DPP10: variants seen among roughly 807,000 people sequenced by gnomAD.
DPP10 encodes inactive dipeptidyl peptidase 10.
DPP10 carries 33 observed loss-of-function variants against 120.9 expected under a neutral mutation model. That is an observed-to-expected ratio of 0.27 (90% CI 0.21 to 0.37). DPP10 has a LOEUF of 0.37. Ranked by LOEUF, DPP10 falls within the 10% of genes least tolerant of loss-of-function variation. The pLI is 1.00. For missense variants in DPP10, 816 were observed against 942.8 expected (o/e 0.87, Z 1.76); for synonymous variants, 337 against 326.1 (o/e 1.03, Z -0.36).
intron 1 of DPP10, among the ~76,000 whole-genome samples, chr2:115,218,517 C>T (rs1029791529): frequency 1.3e-5 from 2 of 152,230 alleles, no homozygotes; most frequent in East Asian, 3.9e-4. Context: ...TTTCCAACAT[C>T]GTACTGACAT....
In DPP10 at chr2:115,162,287, T is replaced by C. The variant is rs375312829; in HGVS notation, c.61-146952T>C. 279 of 1,527,098 alleles carry C rather than the reference T, an allele frequency of 1.8e-4. 2 individuals carry two copies. Among genetic ancestry groups the C allele is most frequent in the Non-Finnish European group, 1.6e-5 (18 of 1,136,550 alleles). The allele number at this position is 1,527,098 out of a possible 1,614,324, so 94.6% of individuals were successfully genotyped here. On this transcript the variant is annotated intron_variant, in intron 1 of 25. Coordinates refer to ENST00000410059, the MANE Select transcript of DPP10 (RefSeq NM_020868.6). Reference sequence around the variant, plus strand: ...GGGGCAGAGAGGTAAAGGCTGAAGGTGCCCCGGGGAACCCCGGCGGGCGGC... The same window carrying C: ...GGGGCAGAGAGGTAAAGGCTGAAGGCGCCCCGGGGAACCCCGGCGGGCGGC...
intron 3 of DPP10, among the ~76,000 whole-genome samples, chr2:115,369,630 G>A (rs994476578): frequency 6.6e-5 from 10 of 151,986 alleles, no homozygotes; most frequent in African/African-American, 2.2e-4. Context: ...GTATAACAGC[G>A]GAAAGATGGA....
At chr2:114,534,099 C>A (rs1218166284) in intron 1 of DPP10, among the ~76,000 whole-genome samples, 2 of 152,098 alleles carry the variant, frequency 1.3e-5, no homozygotes, top group East Asian at 3.8e-4. Context: ...TTGATATTTT[C>A]ATTTTATTTC....
intron 1 of DPP10, among the ~76,000 whole-genome samples, chr2:114,540,641 C>G (rs1047733640): frequency 1.3e-5 from 2 of 152,158 alleles, no homozygotes; most frequent in Non-Finnish European, 2.9e-5. Flanking sequence ...CTTAATGACA[C>G]TTTTCAGCAC....
intron 5 of DPP10, among the ~76,000 whole-genome samples, chr2:115,613,171 A>AT (rs1432979709): frequency 2.0e-5 from 3 of 152,114 alleles, no homozygotes; most frequent in Non-Finnish European, 4.4e-5. Context: ...CTTGGATGCT[A>AT]TTTTTATATA....
At chr2:115,204,624 A>G (rs1335532235) in intron 1 of DPP10, among the ~76,000 whole-genome samples, 1 of 152,144 alleles carries the variant, frequency 6.6e-6, no homozygotes, top group Non-Finnish European at 1.5e-5. Context: ...TGAAAACTTT[A>G]GGTTTTGTTC....
chr2:114,942,943 G>A (rs1294017065), intron 1 of DPP10, among the ~76,000 whole-genome samples: 1 of 151,968 alleles, frequency 6.6e-6, no homozygotes, highest in East Asian at 1.9e-4. Flanking sequence ...GTACACCTGC[G>A]GAACATGCAG....
chr2:115,503,001 C>T (rs772073409), intron 4 of DPP10, among the ~76,000 whole-genome samples: 4 of 151,938 alleles, frequency 2.6e-5, no homozygotes, highest in Non-Finnish European at 5.9e-5. Flanking sequence ...CAGAGCTTGG[C>T]CCCCTAGAAT....
At chr2:115,535,701 G>A (rs566462000) in intron 5 of DPP10, among the ~76,000 whole-genome samples, 2 of 150,882 alleles carry the variant, frequency 1.3e-5, no homozygotes, top group African/African-American at 4.9e-5. Context: ...AATTACCTTG[G>A]GCAGTATGGC....
At chr2:114,686,138 G>A (rs1699350218) in intron 1 of DPP10, among the ~76,000 whole-genome samples, 2 of 151,878 alleles carry the variant, frequency 1.3e-5, no homozygotes, top group South Asian at 2.1e-4. Flanking sequence ...GCAAGGTGAT[G>A]CAAGGAAAAG....
intron 1 of DPP10, among the ~76,000 whole-genome samples, chr2:115,199,913 C>T (rs957049841): frequency 6.6e-6 from 1 of 151,944 alleles, no homozygotes; most frequent in Non-Finnish European, 1.5e-5. Context: ...GTCATAACAC[C>T]CACAGTGTTT....
chr2:114,764,539 T>C (rs1289549539), intron 1 of DPP10, among the ~76,000 whole-genome samples: 1 of 152,018 alleles, frequency 6.6e-6, no homozygotes, highest in East Asian at 1.9e-4. Flanking sequence ...GTCAGTAAAA[T>C]GGAAGTACTG....
chr2:114,773,092 C>T (rs141674096), intron 1 of DPP10, among the ~76,000 whole-genome samples: 31 of 152,242 alleles, frequency 2.0e-4, no homozygotes, highest in African/African-American at 7.2e-4. Context: ...TACATTAGAA[C>T]ATCTGGTAGA....
intron 1 of DPP10, among the ~76,000 whole-genome samples, chr2:114,564,939 T>G (rs1293775768): frequency 6.6e-6 from 1 of 152,208 alleles, no homozygotes; most frequent in Admixed American, 6.5e-5. Context: ...TTTCATCCAT[T>G]AATAATTTTA....
At chr2:114,786,467 C>A (rs112978159) in intron 1 of DPP10, among the ~76,000 whole-genome samples, 1 of 151,996 alleles carries the variant, frequency 6.6e-6, no homozygotes, top group Non-Finnish European at 1.5e-5. Context: ...TGAAATGGAG[C>A]CATGGTGTAT....
At chr2:115,386,335 C>T (rs1045551501) in intron 3 of DPP10, among the ~76,000 whole-genome samples, 2 of 152,060 alleles carry the variant, frequency 1.3e-5, no homozygotes, top group African/African-American at 2.4e-5. Flanking sequence ...GGCAGATTAA[C>T]AAGAGAAAAA....
intron 1 of DPP10, among the ~76,000 whole-genome samples, chr2:115,006,911 A>G (rs1574684606): frequency 6.6e-6 from 1 of 152,070 alleles, no homozygotes; most frequent in South Asian, 2.1e-4. Context: ...TCAACAGAAT[A>G]TACATTTTTT....
In DPP10 at chr2:115,419,523, G is replaced by A. The variant is rs7569192; in HGVS notation, c.271+75611G>A. Among the ~76,000 whole-genome samples the A allele has an allele frequency of 1.7e-3, 257 of 152,192 alleles. 2 individuals carry two copies. Among genetic ancestry groups the A allele is most frequent in the African/African-American group, 5.0e-3 (206 of 41,530 alleles). Reference sequence around the variant, plus strand: ...CTCTTTACTCTTTACTGCAGGGAAGGCACCAAGCCATTCATGACCCAAACA... The same window carrying A: ...CTCTTTACTCTTTACTGCAGGGAAGACACCAAGCCATTCATGACCCAAACA... On this transcript the variant is annotated intron_variant, in intron 3 of 25. Transcript: ENST00000410059.
Position 114,860,725 on chromosome 2 carries a change from C to A in DPP10, c.60+417887C>A, listed in dbSNP as rs545718341. 1.0e-3 allele frequency among the ~76,000 whole-genome samples: 153 copies of A among 152,226 alleles called. 1 individual carries two copies. The highest frequency in any genetic ancestry group is 1.9e-3 in the Non-Finnish European group (128 of 68,016). On this transcript the variant is annotated intron_variant, in intron 1 of 25. Coordinates refer to ENST00000410059, the MANE Select transcript of DPP10 (RefSeq NM_020868.6). The stretch of plus-strand genomic sequence containing the variant: ...TTAGTGACAAAATTAATGAATATTA[C>A]CATCTTCTTTTTGCTTCAGCTCACA...
Sources: gnomAD v4.1 joint callset for allele counts (sites outside exome capture counted in the v4.1 genomes callset) on GRCh38, gnomAD v4.1.1 for gene constraint, MANE v1.5 for transcripts, NCBI Gene and HGNC (gene_info 2026-07-23, HGNC 2026-07-21) for gene names.